FN1: variants seen among roughly 807,000 people sequenced by gnomAD.
FN1 encodes fibronectin 1.
A neutral mutation model predicts 297.3 loss-of-function variants in FN1; 106 were observed. That is an observed-to-expected ratio of 0.36 (90% CI 0.30 to 0.42). FN1 has a LOEUF of 0.42. Among genes scored for constraint, FN1 ranks in the 10% least tolerant of loss-of-function variants. FN1 has a pLI of 1.00. For synonymous variants in FN1, 1,149 were observed against 1,152.6 expected (o/e 1.00, Z 0.06); for missense variants, 2,690 against 3,124.9 (o/e 0.86, Z 3.32).
chr2:215,414,037 G>A (rs776635630), intron 13 of FN1, among the ~76,000 whole-genome samples: 5 of 152,230 alleles, frequency 3.3e-5, no homozygotes, highest in East Asian at 3.9e-4. Flanking sequence ...AAATTTAACC[G>A]CCTGGGTTGG....
At chr2:215,384,815 G>T in intron 29 of FN1, 45 bp downstream of exon 29, 1 of 1,293,728 alleles carries the variant, frequency 7.7e-7, no homozygotes, top group Non-Finnish European at 1.1e-6. Context: ...ATCCACAACA[G>T]AATCTGATTT....
rs1410855838 is a variant in FN1 at position 215,393,059 on chromosome 2, T to C, written c.3941A>G (p.Asp1314Gly). 4 of 1,613,974 alleles carry C rather than the reference T, an allele frequency of 2.5e-6. No homozygotes were observed. Among genetic ancestry groups the C allele is most frequent in the Non-Finnish European group, 3.4e-6 (4 of 1,179,992 alleles). The change falls in exon 25 of 46, where the codon GAT becomes GGT. Residue 1314 changes from aspartate to glycine, a missense_variant. By Grantham distance (94) the Asp-to-Gly change is moderately conservative (BLOSUM62 -1). Around this residue, in one of 3 missense-constraint regions of FN1, gnomAD observed 1,743 missense variants for 1,945.2 expected, o/e 0.90. Transcript: ENST00000354785. ...AAGEGIPIFE[D>G]FVDSSVGYYT... ...GTATCCTACTGAGGAGTCCACAAAA[T>C]CTTCAAAAATAGGGATACCTTCTCC...
At chr2:215,421,041 T>G in intron 10 of FN1, 1 of 481,208 alleles carries the variant, frequency 2.1e-6, no homozygotes, top group Non-Finnish European at 3.8e-6. Context: ...TACAGTATGC[T>G]CAAGTAAAGA....
At chr2:215,370,547 C>CAAAAAAAAAAAAAAAAAAAAAAAA in intron 40 of FN1, 115 bp from the exon 41 acceptor site, 1 of 295,918 alleles carries the variant, frequency 3.4e-6, no homozygotes, top group Non-Finnish European at 5.5e-6. Flanking sequence ...AGACAAAAAA[C>CAAAAAAAAAAAAAAAAAAAAAAAA]AAAAAACAAA....
chr2:215,435,135 G>C (rs2067233444), intron 1 of FN1, among the ~76,000 whole-genome samples: 1 of 152,122 alleles, frequency 6.6e-6, no homozygotes, highest in South Asian at 2.1e-4. Context: ...TTGAAAAACG[G>C]AAAGAATTCC....
At chr2:215,375,826 A>C (rs2057185648) in intron 36 of FN1, 108 bp from the exon 37 acceptor site, 4 of 735,598 alleles carry the variant, frequency 5.4e-6, no homozygotes, top group Non-Finnish European at 1.0e-5. Flanking sequence ...ATATTTATAT[A>C]GACTACCAAA....
chr2:215,401,257 A>AGGAAG (rs1559476133), intron 20 of FN1, among the ~76,000 whole-genome samples: 2 of 31,628 alleles, frequency 6.3e-5, no homozygotes, highest in African/African-American at 1.9e-4. Flanking sequence ...AAAGGAAGAA[A>AGGAAG]GAAAGGAAGG....
intron 5 of FN1, among the ~76,000 whole-genome samples, 191 bp downstream of exon 5, chr2:215,430,524 G>A (rs2066323635): frequency 6.6e-6 from 1 of 152,154 alleles, no homozygotes; most frequent in Admixed American, 6.5e-5. Context: ...AAAGTGATAT[G>A]TTTTTCTATT....
Position 215,365,580 on chromosome 2 carries a change from G to T in FN1, c.7069C>A (p.Arg2357Ser), listed in dbSNP as rs759085028. The T allele has an allele frequency of 1.2e-6, 2 of 1,613,818 alleles. No homozygotes were observed. The highest frequency in any genetic ancestry group is 1.7e-5 in the Admixed American group (1 of 59,994). The stretch of plus-strand genomic sequence containing the variant: ...ATCATCTGGCCATTTTCTCCCTGAC[G>T]GTCCCACTTCTCTCCAATCTTGTAG... ...VNYKIGEKWD[R>S]QGENGQMMSC... The change falls in exon 43 of 46, where the codon CGT (arginine) becomes AGT (serine). Residue 2357 changes from arginine (R) to serine (S), a missense_variant. Arg to Ser is a moderately radical substitution (Grantham distance 110). Coordinates refer to ENST00000354785, the MANE Select transcript of FN1 (RefSeq NM_212482.4).
intron 28 of FN1, among the ~76,000 whole-genome samples, chr2:215,386,062 C>T (rs1346993783): frequency 6.7e-6 from 1 of 148,500 alleles, no homozygotes; most frequent in Non-Finnish European, 1.5e-5. Flanking sequence ...AAGCGTGAGC[C>T]ATTGCGCCTG....
rs2061773361 is a variant in FN1, at chr2:215,406,352, T to C, written c.2872A>G (p.Arg958Gly). ...GEHGQRLPIS[R>G]NTFAEVTGLS... ...CCGGTGACTTCTGCAAAGGTGTTCCTGCTGATGGGCAGCCTCTGCCCGTGC... is the reference window on the plus strand; with the variant it reads ...CCGGTGACTTCTGCAAAGGTGTTCCCGCTGATGGGCAGCCTCTGCCCGTGC... The change falls in exon 19 of 46, where the codon AGG (arginine) becomes GGG (glycine). Residue 958 changes from arginine to glycine, a missense_variant. Around this residue, in one of 3 missense-constraint regions of FN1, gnomAD observed 1,743 missense variants for 1,945.2 expected, o/e 0.90. Coordinates refer to ENST00000354785, the MANE Select transcript of FN1 (RefSeq NM_212482.4). 1 of 1,614,112 alleles carries C rather than the reference T, an allele frequency of 6.2e-7. No individual in the cohort carries two copies. The highest frequency in any genetic ancestry group is 1.3e-5 in the African/African-American group (1 of 74,956).
Position 215,424,046 on chromosome 2 carries a change from T to C in FN1, c.1216+100A>G. On this transcript the variant is annotated intron_variant, in intron 8 of 45. Transcript: ENST00000354785. ...CCAAACTGAACAAAAGCGATGCTTC[T>C]TGGGCGGGTTCAAAATAAATGGCTA... The C allele has an allele frequency of 2.5e-6, 3 of 1,201,122 alleles. No individual in the cohort carries two copies. In the South Asian group the frequency reaches 3.6e-5, roughly 15 times the overall value. The allele number at this position is 1,201,122 out of a possible 1,614,324, so 74.4% of individuals were successfully genotyped here.
In FN1 at chr2:215,399,290, G is replaced by T. The variant is rs1299271155; in HGVS notation, c.3315C>A (p.Ile1105=). The part of the protein sequence containing the change: ...NTEVTETTIV[I]TWTPAPRIGF... ...CAATTCTTGGAGCAGGCGTCCATGT[G>T]ATCACAATGGTGGTCTCAGTCACCT... The change falls in exon 21 of 46, where the codon ATC becomes ATA. Residue 1105 remains isoleucine, a synonymous_variant. Coordinates refer to ENST00000354785, the MANE Select transcript of FN1 (RefSeq NM_212482.4). The T allele has an allele frequency of 1.9e-6, 3 of 1,613,920 alleles. No individual in the cohort carries two copies. The South Asian group carries it at 3.3e-5, about 18-fold the overall frequency.
Position 215,425,233 on chromosome 2 carries a change from G to C in FN1, c.897C>G (p.His299Gln), listed in dbSNP as rs1448003006. ...AGTGGCCATAGGGAGGAGGCTGGGG[G>C]TGAGGCTGCGGTTGGTAAACAGCTG... ...VRAAVYQPQP[H>Q]PQPPPYGHCV... The change falls in exon 7 of 46, where the codon CAC becomes CAG. Residue 299 changes from histidine (H) to glutamine (Q), a missense_variant. This residue lies in a region of FN1 where 876 missense variants were observed against 1,058.1 expected (regional missense o/e 0.83). Transcript: ENST00000354785. The C allele has an allele frequency of 1.2e-6, 2 of 1,614,056 alleles. No individual in the cohort carries two copies. The highest frequency in any genetic ancestry group is 4.5e-5 in the East Asian group (2 of 44,880).
Position 215,376,574 on chromosome 2 carries a change from A to C in FN1, c.5811T>G (p.Val1937=). Residue 1937 remains valine, a synonymous_variant, in exon 36 of 46, where the codon GTT becomes GTG. Transcript: ENST00000354785. The stretch of plus-strand genomic sequence containing the variant: ...TCTGGCCATTGGCTGGAACGGCATC[A>C]ACTTGGAAGCCAGTGATCGTCTCAG... ...TKTETITGFQ[V]DAVPANGQTP... is the part of the protein sequence containing the mutation. The C allele has an allele frequency of 6.2e-7, 1 of 1,613,984 alleles. No homozygotes were observed.
chr2:215,383,426 A>G lies in FN1; in HGVS notation c.4952T>C (p.Val1651Ala). Residue 1651 changes from valine (V) to alanine (A), a missense_variant, in exon 31 of 46, where the codon GTC becomes GCC. By Grantham distance (64) the Val-to-Ala change is moderately conservative. Around this residue, in one of 3 missense-constraint regions of FN1, gnomAD observed 1,743 missense variants for 1,945.2 expected, o/e 0.90. Transcript: ENST00000354785. ...VTDVQDNSIS[V>A]KWLPSSSPVT... ...AGGGGAACTTGAAGGCAGCCACTTGACACTAATGCTGTTGTCCTGAACATC... is the reference window on the plus strand; with the variant it reads ...AGGGGAACTTGAAGGCAGCCACTTGGCACTAATGCTGTTGTCCTGAACATC... 1 of 1,614,124 alleles carries G rather than the reference A, an allele frequency of 6.2e-7. No individual in the cohort carries two copies. The highest frequency in any genetic ancestry group is 8.5e-7 in the Non-Finnish European group (1 of 1,179,984).
chr2:215,379,208 G>C lies in FN1; in HGVS notation c.5544C>G (p.Thr1848=). The part of the protein sequence containing the change: ...VQLTGYRVRV[T]PKEKTGPMKE... Reference sequence around the variant, plus strand: ...TCATTGGTCCGGTCTTCTCCTTGGGGGTCACCCGCACTCGATATCCAGTGA... The same window carrying C: ...TCATTGGTCCGGTCTTCTCCTTGGGCGTCACCCGCACTCGATATCCAGTGA... The change falls in exon 34 of 46, where the codon ACC becomes ACG. Residue 1848 remains threonine, a synonymous_variant. Coordinates refer to ENST00000354785, the MANE Select transcript of FN1 (RefSeq NM_212482.4). 1 of 1,614,030 alleles carries C rather than the reference G, an allele frequency of 6.2e-7. No individual in the cohort carries two copies. Among genetic ancestry groups the C allele is most frequent in the Non-Finnish European group, 8.5e-7 (1 of 1,180,014 alleles).
chr2:215,426,102 T>G (rs1272609637), intron 6 of FN1, among the ~76,000 whole-genome samples: 2 of 152,062 alleles, frequency 1.3e-5, no homozygotes, highest in African/African-American at 4.8e-5. Context: ...CAGCTTTCCT[T>G]TCAGAATAAC....
intron 18 of FN1, 32 bp downstream of exon 18, chr2:215,407,095 T>A (rs760736050): frequency 6.5e-7 from 1 of 1,529,918 alleles, no homozygotes; most frequent in Non-Finnish European, 9.1e-7. Flanking sequence ...CCTGATAAGA[T>A]AACATAGGAA....
Sources: allele counts gnomAD v4.1 joint callset (sites outside exome capture counted in the v4.1 genomes callset), GRCh38; gene constraint gnomAD v4.1.1; regional missense constraint gnomAD v4.1.1; transcripts MANE v1.5; gene names NCBI Gene and HGNC (gene_info 2026-07-23, HGNC 2026-07-21).